CLTC: variants seen among roughly 807,000 people sequenced by gnomAD.
The protein encoded by CLTC is clathrin heavy chain, also known as clathrin heavy chain 1.
A neutral mutation model predicts 195.8 loss-of-function variants in CLTC; 16 were observed. That is an observed-to-expected ratio of 0.08 (90% CI 0.06 to 0.12). CLTC has a LOEUF of 0.12. CLTC is among the 10% of genes least tolerant of loss of function. The pLI is 1.00. For missense variants in CLTC, 796 were observed against 2,027.0 expected (o/e 0.39, Z 11.66); for synonymous variants, 667 against 689.4 (o/e 0.97, Z 0.51).
At chr17:59,691,569 A>G (rs1437202318) in intron 31 of CLTC, among the ~76,000 whole-genome samples, 1 of 151,424 alleles carries the variant, frequency 6.6e-6, no homozygotes, top group East Asian at 1.9e-4. Context: ...GGTTGCAGTG[A>G]GCCGAGGTCG....
At chr17:59,621,923 T>G (rs1184770681) in intron 1 of CLTC, among the ~76,000 whole-genome samples, 1 of 152,208 alleles carries the variant, frequency 6.6e-6, no homozygotes, top group Non-Finnish European at 1.5e-5. Flanking sequence ...GACAAATGTT[T>G]ATAAACCACA....
chr17:59,665,476 G>A (rs1367495749), intron 10 of CLTC, among the ~76,000 whole-genome samples: 1 of 152,114 alleles, frequency 6.6e-6, no homozygotes, highest in Non-Finnish European at 1.5e-5. Context: ...AGAGGGAAGA[G>A]ATGCATTTGT....
intron 6 of CLTC, among the ~76,000 whole-genome samples, chr17:59,658,224 G>A (rs370314461): frequency 2.6e-5 from 4 of 152,070 alleles, no homozygotes; most frequent in East Asian, 3.9e-4. Flanking sequence ...GAGAGAGAGC[G>A]CCAGGGTCTT....
intron 6 of CLTC, among the ~76,000 whole-genome samples, chr17:59,659,451 TAA>T (rs1474404050): frequency 2.9e-5 from 3 of 101,768 alleles, no homozygotes; most frequent in Non-Finnish European, 6.1e-5. Context: ...TATTTTTAAT[TAA>T]TTTTTTTTTT....
At position 59,696,080 on chromosome 17, in the gene CLTC, G is replaced by T. The variant is rs530793036; in HGVS notation, c.*2228G>T. 6.6e-5 allele frequency: 14 copies of T among 212,600 alleles called. No individual in the cohort carries two copies. The South Asian group carries it at 2.6e-3, about 40-fold the overall frequency. The allele number at this position is 212,600 out of a possible 1,614,324, so 13.2% of individuals were successfully genotyped here. On this transcript the variant is annotated 3_prime_UTR_variant, in exon 32 of 32. Transcript: ENST00000269122. ...TGGGAATGCCACTACCTTTGAATTT[G>T]GAGCCATCAGTCTATCTGAGGCAAA...
rs373447662 is a variant in CLTC at position 59,623,781 on chromosome 17, G to C, written c.42+3608G>C. Among the ~76,000 whole-genome samples the C allele has an allele frequency of 3.9e-5, 6 of 152,130 alleles. No homozygotes were observed. In the East Asian group the frequency reaches 7.7e-4, roughly 20 times the overall value. ...TCCAGTAGAACTTTCTTCAATGATG[G>C]AACTGTCTACCAGCTACATAGGGAT... On this transcript the variant is annotated intron_variant, in intron 1 of 31. Transcript: ENST00000269122.
intron 18 of CLTC, among the ~76,000 whole-genome samples, chr17:59,680,550 C>T (rs1348155438): frequency 6.6e-6 from 1 of 152,122 alleles, no homozygotes; most frequent in East Asian, 1.9e-4. Flanking sequence ...GGTTGGAAAT[C>T]ATTGCAGCAT....
chr17:59,657,008 A>C (rs2032487327), intron 6 of CLTC, among the ~76,000 whole-genome samples: 2 of 152,166 alleles, frequency 1.3e-5, no homozygotes, highest in African/African-American at 4.8e-5. Flanking sequence ...ACCAGGAGCT[A>C]TGTTAATTTT....
In CLTC at chr17:59,682,147, C is replaced by T. The variant is rs1598241269; in HGVS notation, c.3443-124C>T. 1.0e-5 allele frequency: 9 copies of T among 894,038 alleles called. No individual in the cohort carries two copies. The highest frequency in any genetic ancestry group is 2.8e-5 in the Admixed American group (1 of 36,338). The allele number at this position is 894,038 out of a possible 1,614,324, so 55.4% of individuals were successfully genotyped here. ...GATAATACAGAAGTGAAATATTGCA[C>T]GGTTTACATTTGTCATTATCCATGT... On this transcript the variant is annotated intron_variant, in intron 21 of 31. Coordinates refer to ENST00000269122, the MANE Select transcript of CLTC (RefSeq NM_004859.4). The surrounding 1 kb of genome is among the most constrained non-coding windows in gnomAD (Gnocchi z 6.8).
intron 5 of CLTC, 96 bp from the exon 6 acceptor site, chr17:59,655,758 G>A (rs1016617254): frequency 6.5e-5 from 66 of 1,011,838 alleles, no homozygotes; most frequent in Non-Finnish European, 8.7e-5. Context: ...TCTTGTTCTG[G>A]AATTTTACCA....
At chr17:59,662,810 T>C (rs963423874) in intron 8 of CLTC, among the ~76,000 whole-genome samples, 2 of 152,124 alleles carry the variant, frequency 1.3e-5, no homozygotes, top group African/African-American at 4.8e-5. Context: ...TTTGGTGGCT[T>C]ACGCCTGTAA....
intron 10 of CLTC, among the ~76,000 whole-genome samples, chr17:59,665,202 G>A (rs769606567): frequency 2.2e-4 from 33 of 149,758 alleles, no homozygotes; most frequent in Non-Finnish European, 4.3e-4. Context: ...TCCAACCTGG[G>A]CAACAGAGTG....
At chr17:59,623,823 G>C (rs1439133695) in intron 1 of CLTC, among the ~76,000 whole-genome samples, 1 of 152,164 alleles carries the variant, frequency 6.6e-6, no homozygotes. Context: ...CACTTGAAAT[G>C]TGGCTGATGT....
chr17:59,681,169 T>C lies in CLTC; in HGVS notation c.3065+112T>C. Reference sequence around the variant, plus strand: ...CAGAGAAAGTTGCCTGAATTCTCACTCTTCTAATATCCTCCCCCCTACCCT... The same window carrying C: ...CAGAGAAAGTTGCCTGAATTCTCACCCTTCTAATATCCTCCCCCCTACCCT... On this transcript the variant is annotated intron_variant, in intron 19 of 31. Transcript: ENST00000269122. This position sits in a 1 kb window ranked among gnomAD's most constrained non-coding sequence, Gnocchi z 5.0. The C allele has an allele frequency of 1.4e-6, 2 of 1,447,450 alleles. No homozygotes were observed. Among genetic ancestry groups the C allele is most frequent in the East Asian group, 2.3e-5 (1 of 43,736 alleles). The allele number at this position is 1,447,450 out of a possible 1,614,324, so 89.7% of individuals were successfully genotyped here.
chr17:59,667,529 T>A (rs532991975), intron 13 of CLTC, among the ~76,000 whole-genome samples: 3 of 152,248 alleles, frequency 2.0e-5, no homozygotes, highest in African/African-American at 7.2e-5. Flanking sequence ...CTGACTCTTA[T>A]AATAGCAGGT....
intron 1 of CLTC, 23 bp from the exon 2 acceptor site, chr17:59,644,253 T>C (rs1213629995): frequency 6.2e-7 from 1 of 1,601,590 alleles, no homozygotes; most frequent in Non-Finnish European, 8.5e-7. Flanking sequence ...CTTGGTAACA[T>C]GGTTTCTTAT....
intron 5 of CLTC, among the ~76,000 whole-genome samples, chr17:59,654,989 A>G (rs1598218930): frequency 6.6e-6 from 1 of 152,232 alleles, no homozygotes; most frequent in South Asian, 2.1e-4. Flanking sequence ...CACTTTCTGC[A>G]TATCAGCAAG....
At chr17:59,693,653 G>A in intron 31 of CLTC, 75 bp from the exon 32 acceptor site, 1 of 1,483,246 alleles carries the variant, frequency 6.7e-7, no homozygotes, top group Non-Finnish European at 9.0e-7. Context: ...GGAGATTGGA[G>A]TGTTCTAAAT....
intron 1 of CLTC, among the ~76,000 whole-genome samples, chr17:59,627,855 T>C (rs1487329132): frequency 6.6e-6 from 1 of 152,218 alleles, no homozygotes; most frequent in Non-Finnish European, 1.5e-5. Flanking sequence ...CTGAAGCCAC[T>C]TGTGAAAGGA....
Sources: allele counts gnomAD v4.1 joint callset (sites outside exome capture counted in the v4.1 genomes callset), GRCh38; gene constraint gnomAD v4.1.1; non-coding constraint Gnocchi (gnomAD v3.1); transcripts MANE v1.5; gene names NCBI Gene and HGNC (gene_info 2026-07-23, HGNC 2026-07-21).